The following DSCAM variants were observed in gnomAD, a reference collection of about 807,000 sequenced individuals.
The protein encoded by DSCAM is DS cell adhesion molecule.
A neutral mutation model predicts 217.7 loss-of-function variants in DSCAM; 47 were observed. That is an observed-to-expected ratio of 0.22 (90% confidence interval 0.17 to 0.28). DSCAM has a LOEUF of 0.28. Ranked by LOEUF, DSCAM falls within the 10% of genes least tolerant of loss-of-function variation. The pLI is 1.00. For synonymous variants in DSCAM, 1,056 were observed against 1,015.3 expected, an observed-to-expected ratio of 1.04 and a Z score of -0.76; for missense variants, 2,080 against 2,618.3, an observed-to-expected ratio of 0.79 and a Z score of 4.49.
chr21:40,377,414 T>A lies in DSCAM; in HGVS notation c.509-8169A>T, dbSNP rs867155355. ...TACAACCAGAGTGGGGCAGAAGCCA[T>A]GAGCACAGAAAGAAATTTAACCTAA... On this transcript the variant is annotated intron_variant, in intron 3 of 32. Transcript: ENST00000400454. Among the ~76,000 whole-genome samples the A allele has an allele frequency of 3.8e-4, 57 of 151,966 alleles. No individual in the cohort carries two copies. In the Middle Eastern group the frequency reaches 0.014, roughly 36 times the overall value.
chr21:40,610,716 C>T (rs938321720), intron 3 of DSCAM, among the ~76,000 whole-genome samples: 4 of 152,206 alleles, frequency 2.6e-5, no homozygotes, highest in Non-Finnish European at 5.9e-5. Context: ...GTCACCTAAT[C>T]ATGTTTCCCT....
At chr21:40,669,544 CAG>C (rs2090245012) in intron 3 of DSCAM, among the ~76,000 whole-genome samples, 1 of 151,644 alleles carries the variant, frequency 6.6e-6, no homozygotes, top group Admixed American at 6.6e-5. Context: ...AATATAAAGA[CAG>C]ATAAAATTAC....
chr21:40,518,134 A>G (rs2076318309), intron 3 of DSCAM, among the ~76,000 whole-genome samples: 1 of 150,634 alleles, frequency 6.6e-6, no homozygotes, highest in African/African-American at 2.4e-5. Context: ...GATACTGAGT[A>G]TTCCTAAACA....
intron 3 of DSCAM, among the ~76,000 whole-genome samples, chr21:40,392,408 T>G (rs1264361773): frequency 6.6e-6 from 1 of 152,234 alleles, no homozygotes; most frequent in South Asian, 2.1e-4. Context: ...TAAAATGATA[T>G]GTATTTTTTA....
At chr21:40,281,129 T>C (rs1197945681) in intron 10 of DSCAM, among the ~76,000 whole-genome samples, 1 of 152,216 alleles carries the variant, frequency 6.6e-6, no homozygotes, top group Non-Finnish European at 1.5e-5. Flanking sequence ...AAATGTATAC[T>C]ATCTTAAGCC....
chr21:40,802,743 A>T (rs1299964366), intron 1 of DSCAM, among the ~76,000 whole-genome samples: 1 of 152,058 alleles, frequency 6.6e-6, no homozygotes, highest in Non-Finnish European at 1.5e-5. Context: ...CTGCCTCAGG[A>T]CTCTGCAAAG....
At chr21:40,116,104 GA>G (rs2089966904) in intron 20 of DSCAM, among the ~76,000 whole-genome samples, 1 of 152,090 alleles carries the variant, frequency 6.6e-6, no homozygotes, top group African/African-American at 2.4e-5. Context: ...TAAATTATGA[GA>G]ACATACACAC....
At chr21:40,790,526 G>A (rs2091632718) in intron 1 of DSCAM, among the ~76,000 whole-genome samples, 1 of 152,162 alleles carries the variant, frequency 6.6e-6, no homozygotes, top group Non-Finnish European at 1.5e-5. Context: ...CAATGAAATT[G>A]CTTTGAGAAT....
intron 3 of DSCAM, among the ~76,000 whole-genome samples, chr21:40,393,813 G>A (rs1484595140): frequency 6.6e-6 from 1 of 152,118 alleles, no homozygotes; most frequent in Non-Finnish European, 1.5e-5. Context: ...AATATTGTAT[G>A]AATGTTGCTA....
chr21:40,789,745 CG>C (rs1390025995), intron 1 of DSCAM, among the ~76,000 whole-genome samples: 2 of 151,986 alleles, frequency 1.3e-5, no homozygotes, highest in Non-Finnish European at 2.9e-5. Context: ...TTAGTAGAGA[CG>C]GGGTTTCACC....
chr21:40,516,269 T>C (rs558684423), intron 3 of DSCAM, among the ~76,000 whole-genome samples: 1 of 152,308 alleles, frequency 6.6e-6, no homozygotes, highest in Admixed American at 6.5e-5. Context: ...TATGTAATTA[T>C]AATACTTCTG....
chr21:40,471,333 TG>T (rs1057023374), intron 3 of DSCAM, among the ~76,000 whole-genome samples: 16 of 152,252 alleles, frequency 1.1e-4, no homozygotes, highest in Admixed American at 1.0e-3. Flanking sequence ...TAGAGGCCTT[TG>T]GGGCCACTCC....
intron 32 of DSCAM, among the ~76,000 whole-genome samples, chr21:40,022,629 C>CTGA (rs1262524726): frequency 1.3e-5 from 2 of 152,210 alleles, no homozygotes; most frequent in Non-Finnish European, 1.5e-5. Context: ...GAGGCAGGAG[C>CTGA]TGATTCCAGT....
chr21:40,468,002 A>G (rs1235284420), intron 3 of DSCAM, among the ~76,000 whole-genome samples: 1 of 150,644 alleles, frequency 6.6e-6, no homozygotes, highest in Non-Finnish European at 1.5e-5. Flanking sequence ...TGCGGGCCCC[A>G]AGATCTTTAC....
intron 8 of DSCAM, among the ~76,000 whole-genome samples, chr21:40,329,656 A>ATAAT (rs1486191709): frequency 1.5e-5 from 2 of 137,740 alleles, no homozygotes; most frequent in East Asian, 4.1e-4. Flanking sequence ...AAATAAATAA[A>ATAAT]TAATAAAAAT....
At chr21:40,703,450 C>A (rs1456737687) in intron 2 of DSCAM, among the ~76,000 whole-genome samples, 2 of 152,074 alleles carry the variant, frequency 1.3e-5, no homozygotes, top group Non-Finnish European at 2.9e-5. Flanking sequence ...GCCAGGGAAG[C>A]TGAGGCTGCA....
intron 32 of DSCAM, among the ~76,000 whole-genome samples, chr21:40,039,436 C>A (rs2088701367): frequency 6.6e-6 from 1 of 151,908 alleles, no homozygotes; most frequent in Non-Finnish European, 1.5e-5. Flanking sequence ...ACCAATTTAA[C>A]CAGTTGGTTT....
intron 8 of DSCAM, among the ~76,000 whole-genome samples, chr21:40,334,265 T>C (rs1417532729): frequency 6.6e-6 from 1 of 152,138 alleles, no homozygotes; most frequent in Non-Finnish European, 1.5e-5. Flanking sequence ...CAGCATCCAC[T>C]TCTTTGTTTA....
chr21:40,174,928 T>C (rs1236453207), intron 15 of DSCAM, among the ~76,000 whole-genome samples: 1 of 152,184 alleles, frequency 6.6e-6, no homozygotes, highest in Non-Finnish European at 1.5e-5. Flanking sequence ...AGCCATTTCA[T>C]GGGTGGTCAC....
Sources: gnomAD v4.1 joint callset for allele counts (sites outside exome capture counted in the v4.1 genomes callset) on GRCh38, gnomAD v4.1.1 for gene constraint, MANE v1.5 for transcripts, NCBI Gene and HGNC (gene_info 2026-07-23, HGNC 2026-07-21) for gene names.